RASGEF1A: variants seen among roughly 807,000 people sequenced by gnomAD.
RASGEF1A encodes RasGEF domain family member 1A, also known as ras-GEF domain-containing family member 1A.
Under a neutral mutation model 56.4 loss-of-function variants are expected in RASGEF1A, and 18 were observed. The observed-to-expected ratio is 0.32, with a 90% CI of 0.22 to 0.47. RASGEF1A has a LOEUF of 0.47. Among genes scored for constraint, RASGEF1A ranks in the 20% least tolerant of loss-of-function variants. The pLI is 1.00. For missense variants in RASGEF1A, 422 were observed against 627.1 expected (o/e 0.67, Z 3.49); for synonymous variants, 245 against 242.6 (o/e 1.01, Z -0.09).
chr10:43,197,713 C>T (rs1420051080), intron 10 of RASGEF1A, among the ~76,000 whole-genome samples: 2 of 152,248 alleles, frequency 1.3e-5, no homozygotes, highest in Non-Finnish European at 2.9e-5. Flanking sequence ...GTGGACAGGG[C>T]TCTCTCCCTG....
At chr10:43,218,000 G>A (rs980124102) in intron 1 of RASGEF1A, among the ~76,000 whole-genome samples, 3 of 152,176 alleles carry the variant, frequency 2.0e-5, no homozygotes, top group Non-Finnish European at 4.4e-5. Context: ...GCATGGGCTG[G>A]GCGTCCAATG....
chr10:43,261,778 C>T (rs1388113527), intron 1 of RASGEF1A, among the ~76,000 whole-genome samples: 4 of 152,194 alleles, frequency 2.6e-5, no homozygotes, highest in Admixed American at 6.5e-5. Context: ...TGGCTCGGGG[C>T]TGCACATTAC....
chr10:43,236,985 T>C (rs887832998), intron 1 of RASGEF1A, among the ~76,000 whole-genome samples: 3 of 151,702 alleles, frequency 2.0e-5, no homozygotes, highest in African/African-American at 4.8e-5. Context: ...AGGCTGGCCT[T>C]GTAGGGGGTC....
At chr10:43,206,898 C>T (rs1840003888) in intron 1 of RASGEF1A, 1 of 985,700 alleles carries the variant, frequency 1.0e-6, no homozygotes, top group Non-Finnish European at 1.2e-6. Flanking sequence ...CTGCAGATGT[C>T]TGAGCAGCTG....
intron 1 of RASGEF1A, among the ~76,000 whole-genome samples, chr10:43,227,393 C>CA (rs1426916777): frequency 9.4e-6 from 1 of 106,934 alleles, no homozygotes; most frequent in East Asian, 8.3e-4. Flanking sequence ...CAGGCCTGGA[C>CA]CCCCAATGCA....
chr10:43,238,120 T>A (rs1840456065), intron 1 of RASGEF1A, among the ~76,000 whole-genome samples: 1 of 151,088 alleles, frequency 6.6e-6, no homozygotes, highest in Non-Finnish European at 1.5e-5. Flanking sequence ...GTGCTGCAGA[T>A]TGAGACCTGC....
chr10:43,239,536 A>G (rs770922531), intron 1 of RASGEF1A, among the ~76,000 whole-genome samples: 24 of 152,266 alleles, frequency 1.6e-4, no homozygotes, highest in Non-Finnish European at 2.1e-4. Context: ...TTCAAAAAAC[A>G]TAACTGAATC....
At chr10:43,207,033 A>C in intron 1 of RASGEF1A, 1 of 985,510 alleles carries the variant, frequency 1.0e-6, no homozygotes, top group Non-Finnish European at 1.2e-6. Context: ...GGGAGTCTGA[A>C]GCCCTCTGGG....
At chr10:43,225,576 G>A (rs373820610) in intron 1 of RASGEF1A, among the ~76,000 whole-genome samples, 1 of 146,086 alleles carries the variant, frequency 6.8e-6, no homozygotes, top group African/African-American at 2.5e-5. Context: ...TCTGTGTATG[G>A]GTGTGTGTGT....
chr10:43,216,463 G>C (rs1294506797), intron 1 of RASGEF1A, among the ~76,000 whole-genome samples: 1 of 152,240 alleles, frequency 6.6e-6, no homozygotes, highest in Non-Finnish European at 1.5e-5. Flanking sequence ...GGCGCAATTT[G>C]TAAGTGAAGT....
chr10:43,196,420 C>A lies in RASGEF1A; in HGVS notation c.1421+56G>T. The A allele has an allele frequency of 5.1e-6, 8 of 1,578,724 alleles. No individual in the cohort carries two copies. The highest frequency in any genetic ancestry group is 7.0e-6 in the Non-Finnish European group (8 of 1,148,022). On this transcript the variant is annotated intron_variant, in intron 12 of 12. Coordinates refer to ENST00000395810, the MANE Select transcript of RASGEF1A (RefSeq NM_145313.4). This position sits in a 1 kb window ranked among gnomAD's most constrained non-coding sequence, Gnocchi z 4.6. ...CTTTCCAGGAGGGTAACCCTCGTGC[C>A]CACCCTGAGTCCTCCCTCTTCCTTA...
intron 1 of RASGEF1A, among the ~76,000 whole-genome samples, chr10:43,241,474 CAT>C (rs1360475678): frequency 2.0e-5 from 3 of 152,052 alleles, no homozygotes; most frequent in African/African-American, 7.2e-5. Context: ...TGAACATTGA[CAT>C]GTACATATAA....
intron 1 of RASGEF1A, among the ~76,000 whole-genome samples, chr10:43,231,444 CT>C (rs1281027551): frequency 2.6e-5 from 4 of 152,234 alleles, no homozygotes; most frequent in Admixed American, 6.5e-5. Context: ...GCCCTGCTGC[CT>C]CCTGACCCCA....
chr10:43,255,940 T>C (rs1173233726), intron 1 of RASGEF1A, among the ~76,000 whole-genome samples: 2 of 152,182 alleles, frequency 1.3e-5, no homozygotes, highest in Admixed American at 1.3e-4. Flanking sequence ...GCTTCTCCGA[T>C]GCCCTCCTTC....
At chr10:43,200,094 C>A in intron 6 of RASGEF1A, 88 bp downstream of exon 6, 1 of 1,107,098 alleles carries the variant, frequency 9.0e-7, no homozygotes, top group South Asian at 1.4e-5. Flanking sequence ...TCGGGGCGTG[C>A]TGAGTGAGGC....
intron 4 of RASGEF1A, 117 bp downstream of exon 4, chr10:43,201,690 CT>C: frequency 8.7e-7 from 1 of 1,151,184 alleles, no homozygotes. Context: ...AGCAACCCTC[CT>C]GGGGGAGTAA....
At chr10:43,214,024 G>A (rs1840102160) in intron 1 of RASGEF1A, among the ~76,000 whole-genome samples, 1 of 152,208 alleles carries the variant, frequency 6.6e-6, no homozygotes, top group Non-Finnish European at 1.5e-5. Flanking sequence ...GCAAAAGCTG[G>A]ATGCGCTCCT....
At chr10:43,263,381 C>T (rs1036726018) in intron 1 of RASGEF1A, among the ~76,000 whole-genome samples, 1 of 152,140 alleles carries the variant, frequency 6.6e-6, no homozygotes, top group Non-Finnish European at 1.5e-5. Context: ...GAGCAGAGAA[C>T]ATGTCTTCAA....
At chr10:43,209,916 C>T (rs1353495793) in intron 1 of RASGEF1A, among the ~76,000 whole-genome samples, 2 of 152,188 alleles carry the variant, frequency 1.3e-5, no homozygotes, top group Non-Finnish European at 2.9e-5. Context: ...GGGCCCAGTG[C>T]TCCCCTTTCA....
Sources: gnomAD v4.1 joint callset for allele counts (sites outside exome capture counted in the v4.1 genomes callset) on GRCh38, gnomAD v4.1.1 for gene constraint, Gnocchi (gnomAD v3.1) non-coding constraint, MANE v1.5 for transcripts, NCBI Gene and HGNC (gene_info 2026-07-23, HGNC 2026-07-21) for gene names.